The following CEMIP variants were observed in gnomAD, a reference collection of about 807,000 sequenced individuals.
CEMIP encodes cell migration-inducing and hyaluronan-binding protein.
In CEMIP, 105 loss-of-function variants were observed where a neutral mutation model predicts 156.9. The observed-to-expected ratio is 0.67, with a 90% CI of 0.57 to 0.79. The LOEUF (loss-of-function observed/expected upper bound fraction) is 0.79. Among genes scored for constraint, CEMIP ranks in the 30% least tolerant of loss-of-function variants. CEMIP has a pLI of 0.00. For synonymous variants in CEMIP, 676 were observed against 668.4 expected (o/e 1.01, Z -0.17); for missense variants, 1,457 against 1,769.4 (o/e 0.82, Z 3.17).
chr15:80,793,731 T>C (rs866586417), intron 1 of CEMIP, among the ~76,000 whole-genome samples: 1 of 152,178 alleles, frequency 6.6e-6, no homozygotes, highest in Non-Finnish European at 1.5e-5. Context: ...GAGAGGTGCA[T>C]AGTGTATAGT....
intron 1 of CEMIP, among the ~76,000 whole-genome samples, chr15:80,835,495 G>A (rs758824062): frequency 9.2e-5 from 14 of 152,248 alleles, no homozygotes; most frequent in Non-Finnish European, 2.1e-4. Context: ...GCCCCGCATG[G>A]CCACCCTTCA....
At chr15:80,828,142 G>A (rs949826995) in intron 1 of CEMIP, among the ~76,000 whole-genome samples, 22 of 152,308 alleles carry the variant, frequency 1.4e-4, no homozygotes, top group Middle Eastern at 6.8e-3. Flanking sequence ...ACTTTGGGAG[G>A]CCGAGGCAGG....
chr15:80,925,632 C>G lies in CEMIP; in HGVS notation c.2297C>G (p.Pro766Arg). 1 of 1,612,816 alleles carries G rather than the reference C, an allele frequency of 6.2e-7. No individual in the cohort carries two copies. The highest frequency in any genetic ancestry group is 8.5e-7 in the Non-Finnish European group (1 of 1,179,930). The change falls in exon 19 of 30, where the codon CCT (proline) becomes CGT (arginine). Residue 766 changes from proline to arginine, a missense_variant. Coordinates refer to ENST00000394685, the MANE Select transcript of CEMIP (RefSeq NM_001293298.2). ...FLSIISARYS[P>R]HQDADPLKPR... is the part of the protein sequence containing the mutation. ...CCATGGTTGTGCTGCAGATACAGCC[C>G]TCACCAGGACGCCGACCCGCTGAAG...
intron 6 of CEMIP, among the ~76,000 whole-genome samples, chr15:80,882,909 T>C (rs904845523): frequency 4.6e-5 from 7 of 152,092 alleles, no homozygotes; most frequent in Admixed American, 1.3e-4. Context: ...GAAGGAATGA[T>C]GAAGACAGGA....
intron 17 of CEMIP, among the ~76,000 whole-genome samples, chr15:80,923,463 G>C (rs1596194367): frequency 1.3e-5 from 2 of 152,144 alleles, no homozygotes; most frequent in Admixed American, 1.3e-4. Context: ...AGGGAGGTGG[G>C]CCACATAGAA....
chr15:80,871,844 T>C (rs905381841), intron 1 of CEMIP, among the ~76,000 whole-genome samples: 2 of 152,204 alleles, frequency 1.3e-5, no homozygotes, highest in Non-Finnish European at 2.9e-5. Context: ...ACTCCTCTTC[T>C]GGGGGCCATG....
chr15:80,858,722 T>A (rs1181509209), intron 1 of CEMIP, among the ~76,000 whole-genome samples: 2 of 151,686 alleles, frequency 1.3e-5, no homozygotes, highest in Admixed American at 1.3e-4. Context: ...CGAAACTCCA[T>A]CTCAAAAAAA....
chr15:80,841,100 C>G (rs1507659), intron 1 of CEMIP, among the ~76,000 whole-genome samples: 130,314 of 152,228 alleles, frequency 0.86, 55,945 homozygotes, highest in East Asian at 0.98. Flanking sequence ...GAACGGGGCA[C>G]CTGTGGCTTT....
intron 13 of CEMIP, among the ~76,000 whole-genome samples, chr15:80,908,618 G>A (rs769321725): frequency 7.2e-5 from 11 of 152,102 alleles, no homozygotes; most frequent in African/African-American, 1.2e-4. Flanking sequence ...TTCCAGAGTC[G>A]GTGTTCCCTT....
intron 13 of CEMIP, among the ~76,000 whole-genome samples, chr15:80,907,160 T>C (rs1010463033): frequency 1.3e-5 from 2 of 152,260 alleles, no homozygotes; most frequent in Non-Finnish European, 2.9e-5. Context: ...TACTTCATTA[T>C]TGCCCTGATC....
chr15:80,816,602 A>C (rs1024441096), intron 1 of CEMIP, among the ~76,000 whole-genome samples: 2 of 152,144 alleles, frequency 1.3e-5, no homozygotes, highest in African/African-American at 4.8e-5. Flanking sequence ...CTTTCCTGGA[A>C]TCTTTAAAAG....
At chr15:80,850,508 GC>G (rs1276391145) in intron 1 of CEMIP, among the ~76,000 whole-genome samples, 2 of 152,090 alleles carry the variant, frequency 1.3e-5, no homozygotes, top group Non-Finnish European at 2.9e-5. Flanking sequence ...CAAACTCCTG[GC>G]TTCAAGTGAT....
chr15:80,843,409 C>G (rs1237172885), intron 1 of CEMIP, among the ~76,000 whole-genome samples: 1 of 152,222 alleles, frequency 6.6e-6, no homozygotes, highest in African/African-American at 2.4e-5. Flanking sequence ...CTTCACGCAG[C>G]TCCTGTTCTA....
At chr15:80,784,568 G>C (rs1312000994) in intron 1 of CEMIP, among the ~76,000 whole-genome samples, 3 of 152,220 alleles carry the variant, frequency 2.0e-5, no homozygotes, top group Non-Finnish European at 2.9e-5. Flanking sequence ...AACCATTGGA[G>C]TGTTCCTTGG....
Position 80,887,782 on chromosome 15 carries a change from G to A in CEMIP, c.868+18G>A. On this transcript the variant is annotated intron_variant, in intron 8 of 29. Coordinates refer to ENST00000394685, the MANE Select transcript of CEMIP (RefSeq NM_001293298.2). ...ATATCATGGTAATACATAGCTGGCT[G>A]GAGGCCTGATTCCCTCCAGTGTCTC... The A allele has an allele frequency of 1.3e-6, 2 of 1,597,820 alleles. No homozygotes were observed. Among genetic ancestry groups the A allele is most frequent in the East Asian group, 2.2e-5 (1 of 44,778 alleles).
chr15:80,925,831 A>C, intron 19 of CEMIP, 76 bp downstream of exon 19: 1 of 1,543,320 alleles, frequency 6.5e-7, no homozygotes, highest in Non-Finnish European at 8.7e-7. Context: ...CAGAGACAGG[A>C]GAGCAAAGCA....
At chr15:80,933,121 A>G in intron 22 of CEMIP, 124 bp from the exon 23 acceptor site, 1 of 839,898 alleles carries the variant, frequency 1.2e-6, no homozygotes, top group Non-Finnish European at 2.0e-6. Context: ...TCAGTGCCCG[A>G]GAGCATCTTT....
At position 80,895,122 on chromosome 15, in the gene CEMIP, G is replaced by A. The variant is rs564601766; in HGVS notation, c.1219G>A (p.Val407Met). Residue 407 changes from valine (V) to methionine (M), a missense_variant and splice_region_variant, in exon 11 of 30, where the codon GTG becomes ATG. By Grantham distance (21) the Val-to-Met change is conservative. This residue lies in a region of CEMIP where 280 missense variants were observed against 300.3 expected (regional missense o/e 0.93). Coordinates refer to ENST00000394685, the MANE Select transcript of CEMIP (RefSeq NM_001293298.2). ...TGTACGGTTCCTCTGTGGGAAGCCT[G>A]GTAAGCAGCCCCTTGTCGGGGACAC... ...YRVRFLCGKP[V>M]RPKLTVTIDT... 24 of 1,614,184 alleles carry A rather than the reference G, an allele frequency of 1.5e-5. No individual in the cohort carries two copies. The highest frequency in any genetic ancestry group is 3.3e-5 in the Admixed American group (2 of 60,024).
chr15:80,879,761 C>T lies in CEMIP; in HGVS notation c.287C>T (p.Thr96Ile). 6.2e-7 allele frequency: 1 copy of T among 1,614,206 alleles called. No individual in the cohort carries two copies. The highest frequency in any genetic ancestry group is 8.5e-7 in the Non-Finnish European group (1 of 1,180,042). ...CACGACGAGCCGATTGTTTTGCGAACCCGGCACATCCTGATTGACAACGGA... is the reference window on the plus strand; with the variant it reads ...CACGACGAGCCGATTGTTTTGCGAATCCGGCACATCCTGATTGACAACGGA... ...KDHDEPIVLR[T>I]RHILIDNGGE... is the part of the protein sequence containing the mutation. The change falls in exon 5 of 30, where the codon ACC (threonine) becomes ATC (isoleucine). Residue 96 changes from threonine (T) to isoleucine (I), a missense_variant. Coordinates refer to ENST00000394685, the MANE Select transcript of CEMIP (RefSeq NM_001293298.2).
Sources: allele counts gnomAD v4.1 joint callset (sites outside exome capture counted in the v4.1 genomes callset), GRCh38; gene constraint gnomAD v4.1.1; regional missense constraint gnomAD v4.1.1; transcripts MANE v1.5; gene names NCBI Gene and HGNC (gene_info 2026-07-23, HGNC 2026-07-21).